The following HEATR5A variants were observed in gnomAD, a reference collection of about 807,000 sequenced individuals.
HEATR5A encodes HEAT repeat-containing protein 5A.
A neutral mutation model predicts 218.8 loss-of-function variants in HEATR5A; 178 were observed. The observed-to-expected ratio is 0.81, with a 90% CI of 0.72 to 0.92. The LOEUF is 0.92. Ranked by LOEUF, HEATR5A falls within the 40% of genes least tolerant of loss-of-function variation. HEATR5A has a pLI of 0.00. For missense variants in HEATR5A, 2,420 were observed against 2,418.9 expected (o/e 1.00, Z -0.01); for synonymous variants, 864 against 871.6 (o/e 0.99, Z 0.15).
In HEATR5A at chr14:31,375,050, C is replaced by G. The variant is rs1902176386; in HGVS notation, c.1709-82G>C. On this transcript the variant is annotated intron_variant, in intron 11 of 35. Coordinates refer to ENST00000543095, the MANE Select transcript of HEATR5A (RefSeq NM_015473.4). ...ACTCTATTATTAAGCAGCAACTTCTCTCCTAAACATTTTAATTCATTATTG... is the reference window on the plus strand; with the variant it reads ...ACTCTATTATTAAGCAGCAACTTCTGTCCTAAACATTTTAATTCATTATTG... 4.4e-6 allele frequency: 5 copies of G among 1,126,410 alleles called. No homozygotes were observed. In the African/African-American group the frequency reaches 4.7e-5, roughly 11 times the overall value. The allele number at this position is 1,126,410 out of a possible 1,614,324, so 69.8% of individuals were successfully genotyped here.
chr14:31,387,385 A>C lies in HEATR5A; in HGVS notation c.934-10T>G. 1 of 1,593,768 alleles carries C rather than the reference A, an allele frequency of 6.3e-7. No individual in the cohort carries two copies. The highest frequency in any genetic ancestry group is 8.6e-7 in the Non-Finnish European group (1 of 1,167,440). ...CAAATACCACATAAGCCTAAAAAGG[A>C]AAAGAGTTTTATTTTCAATATTAAA... On this transcript the variant is annotated splice_polypyrimidine_tract_variant and intron_variant, in intron 7 of 35. Coordinates refer to ENST00000543095, the MANE Select transcript of HEATR5A (RefSeq NM_015473.4).
At chr14:31,393,450 T>G (rs2030529624) in intron 6 of HEATR5A, among the ~76,000 whole-genome samples, 1 of 152,044 alleles carries the variant, frequency 6.6e-6, no homozygotes, top group Non-Finnish European at 1.5e-5. Context: ...GGCAGAGGTT[T>G]CAGTGAGCTG....
intron 28 of HEATR5A, among the ~76,000 whole-genome samples, chr14:31,312,360 T>C (rs1899782659): frequency 6.6e-6 from 1 of 151,138 alleles, no homozygotes; most frequent in Admixed American, 6.6e-5. Context: ...CAAAAATTAT[T>C]AAGTATGATA....
chr14:31,380,512 G>A lies in HEATR5A; in HGVS notation c.1663C>T (p.Arg555Cys), dbSNP rs759878877. ...AAQNSRLSAQ[R>C]TQAGWLLISA... ...ATCAGCAACCATCCAGCTTGTGTGC[G>A]CTGAGCTGAAAGGCGACTGTTTTGA... The change falls in exon 11 of 36, where the codon CGC becomes TGC. Residue 555 changes from arginine to cysteine, a missense_variant. Physicochemically the swap from Arg to Cys is radical, Grantham distance 180. Coordinates refer to ENST00000543095, the MANE Select transcript of HEATR5A (RefSeq NM_015473.4). The A allele has an allele frequency of 1.1e-5, 18 of 1,608,904 alleles. No individual in the cohort carries two copies. Among genetic ancestry groups the A allele is most frequent in the Middle Eastern group, 1.6e-4 (1 of 6,062 alleles).
chr14:31,394,198 A>T lies in HEATR5A; in HGVS notation c.626T>A (p.Ile209Asn). 1 of 1,501,040 alleles carries T rather than the reference A, an allele frequency of 6.7e-7. No individual in the cohort carries two copies. The highest frequency in any genetic ancestry group is 8.8e-7 in the Non-Finnish European group (1 of 1,133,436). The allele number at this position is 1,501,040 out of a possible 1,614,324, so 93.0% of individuals were successfully genotyped here. Residue 209 changes from isoleucine (I) to asparagine (N), a missense_variant, in exon 6 of 36, where the codon ATC becomes AAC. Ile to Asn is a moderately radical substitution (Grantham distance 149, BLOSUM62 -3). Coordinates refer to ENST00000543095, the MANE Select transcript of HEATR5A (RefSeq NM_015473.4). ...GTCCAGGTCCGTACTCCACATAAAGATGGCTTCATTCTGAAGTTCAAGGAG... is the reference window on the plus strand; with the variant it reads ...GTCCAGGTCCGTACTCCACATAAAGTTGGCTTCATTCTGAAGTTCAAGGAG... ...KCLLELQNEA[I>N]FMWSTDLDSV...
At chr14:31,326,969 G>A (rs1566755409) in intron 22 of HEATR5A, among the ~76,000 whole-genome samples, 1 of 150,698 alleles carries the variant, frequency 6.6e-6, no homozygotes. Context: ...TTTATTCAGT[G>A]CTTAATTTTT....
intron 1 of HEATR5A, among the ~76,000 whole-genome samples, chr14:31,406,852 G>A (rs980554688): frequency 7.9e-5 from 12 of 151,846 alleles, no homozygotes; most frequent in Admixed American, 2.0e-4. Context: ...CCCGTTACTC[G>A]GGAGGCTGAG....
At chr14:31,313,430 A>C (rs1899819364) in intron 27 of HEATR5A, among the ~76,000 whole-genome samples, 1 of 152,152 alleles carries the variant, frequency 6.6e-6, no homozygotes, top group African/African-American at 2.4e-5. Flanking sequence ...ATATGATGCC[A>C]CTTCTCACAT....
chr14:31,402,612 T>G (rs1263265024), intron 2 of HEATR5A, among the ~76,000 whole-genome samples: 1 of 152,226 alleles, frequency 6.6e-6, no homozygotes, highest in Non-Finnish European at 1.5e-5. Context: ...TCATATATTT[T>G]TAAAGTAATA....
chr14:31,389,543 T>C (rs1471739160), intron 6 of HEATR5A, among the ~76,000 whole-genome samples: 1 of 152,238 alleles, frequency 6.6e-6, no homozygotes, highest in Non-Finnish European at 1.5e-5. Context: ...AACTACTCAG[T>C]TGGCTCTTAG....
At chr14:31,303,207 G>C (rs1005547111) in intron 32 of HEATR5A, among the ~76,000 whole-genome samples, 2 of 152,140 alleles carry the variant, frequency 1.3e-5, no homozygotes, top group Non-Finnish European at 1.5e-5. Context: ...GGCCAAGGCG[G>C]GTAGATCATG....
At chr14:31,413,470 T>C (rs1020212929) in intron 1 of HEATR5A, among the ~76,000 whole-genome samples, 5 of 151,464 alleles carry the variant, frequency 3.3e-5, no homozygotes, top group African/African-American at 7.3e-5. Context: ...GATGGCGAGA[T>C]TGCCAGTGGG....
In HEATR5A at chr14:31,308,031, CA is replaced by C. The variant is rs769280103; in HGVS notation, c.4691-12del. The C allele has an allele frequency of 6.3e-7, 1 of 1,578,652 alleles. No homozygotes were observed. Among genetic ancestry groups the C allele is most frequent in the Admixed American group, 2.0e-5 (1 of 50,000 alleles). On this transcript the variant is annotated splice_polypyrimidine_tract_variant and intron_variant, in intron 29 of 35. Transcript: ENST00000543095. ...ATTCCACGCTGATTCCTGTGGAAAGCAAAAAAAGAGGAGGAGGCTTCTTTCA... is the reference window on the plus strand; with the variant it reads ...ATTCCACGCTGATTCCTGTGGAAAGCAAAAAAGAGGAGGAGGCTTCTTTCA...
rs116334502 is a variant in HEATR5A, at chr14:31,381,520, T to C, written c.1597-942A>G. ...AGTGAGCTAGGATCACACCACTGCA[T>C]TGCAGCCTGGGCAATAAAGAAAGAC... On this transcript the variant is annotated intron_variant, in intron 10 of 35. Coordinates refer to ENST00000543095, the MANE Select transcript of HEATR5A (RefSeq NM_015473.4). 9.1e-3 allele frequency among the ~76,000 whole-genome samples: 1,151 copies of C among 126,542 alleles called. 9 individuals carry two copies. Among genetic ancestry groups the C allele is most frequent in the African/African-American group, 0.033 (1,075 of 32,422 alleles). The allele number at this position is 126,542 out of a possible 152,430, so 83.0% of individuals were successfully genotyped here.
chr14:31,348,225 A>G (rs1051207667), intron 18 of HEATR5A, among the ~76,000 whole-genome samples: 4 of 152,204 alleles, frequency 2.6e-5, no homozygotes, highest in African/African-American at 9.7e-5. Context: ...GTTACATTTT[A>G]AAAACTCAAA....
intron 16 of HEATR5A, among the ~76,000 whole-genome samples, chr14:31,355,557 A>C (rs1368205410): frequency 6.6e-6 from 1 of 151,520 alleles, no homozygotes; most frequent in East Asian, 1.9e-4. Context: ...ACATTATGAA[A>C]CCCCATCTCC....
chr14:31,341,334 A>T (rs1234564357), intron 21 of HEATR5A, among the ~76,000 whole-genome samples: 2 of 151,526 alleles, frequency 1.3e-5, no homozygotes, highest in African/African-American at 2.4e-5. Flanking sequence ...TTTTTCCTGC[A>T]GTAAATATGT....
At position 31,293,084 on chromosome 14, in the gene HEATR5A, A is replaced by G; in HGVS notation, c.*221T>C. ...TTAAAATTCCTGGCAAGTTAGCTCC[A>G]TTGTCTTTTTAAATAGAAAAACAAA... On this transcript the variant is annotated 3_prime_UTR_variant, in exon 36 of 36. Coordinates refer to ENST00000543095, the MANE Select transcript of HEATR5A (RefSeq NM_015473.4). 1 of 440,132 alleles carries G rather than the reference A, an allele frequency of 2.3e-6. No homozygotes were observed. Among genetic ancestry groups the G allele is most frequent in the Non-Finnish European group, 4.0e-6 (1 of 251,256 alleles). The allele number at this position is 440,132 out of a possible 1,614,324, so 27.3% of individuals were successfully genotyped here. A position where few individuals can be genotyped will look rare whatever the true frequency, so the allele number is the denominator to read the frequency against.
chr14:31,369,475 T>G (rs1053054632), intron 13 of HEATR5A, among the ~76,000 whole-genome samples: 1 of 151,570 alleles, frequency 6.6e-6, no homozygotes, highest in Non-Finnish European at 1.5e-5. Context: ...TAGCCAGGCA[T>G]AGTGGTGCAT....
Sources: allele counts gnomAD v4.1 joint callset (sites outside exome capture counted in the v4.1 genomes callset), GRCh38; gene constraint gnomAD v4.1.1; transcripts MANE v1.5; gene names NCBI Gene and HGNC (gene_info 2026-07-23, HGNC 2026-07-21).